The following ESPNL variants were observed in gnomAD, a reference collection of about 807,000 sequenced individuals.
ESPNL encodes espin-like protein.
A neutral mutation model predicts 46.8 loss-of-function variants in ESPNL; 49 were observed. The observed-to-expected ratio is 1.05, with a 90% CI of 0.83 to 1.33. The LOEUF (loss-of-function observed/expected upper bound fraction) is 1.33, where lower values mean the gene tolerates loss of function less well. Ranked by LOEUF, ESPNL falls within the 40% of genes most tolerant of loss-of-function variation. The pLI is 0.00. For synonymous variants in ESPNL, 664 were observed against 662.1 expected (o/e 1.00, Z -0.04); for missense variants, 1,540 against 1,436.6 (o/e 1.07, Z -1.16).
intron 4 of ESPNL, among the ~76,000 whole-genome samples, chr2:238,116,105 C>T (rs550098037): frequency 1.3e-5 from 2 of 152,214 alleles, no homozygotes; most frequent in Non-Finnish European, 2.9e-5. Context: ...AACTCGAGTT[C>T]GTTTTTGTGT....
At chr2:238,124,690 A>AGT (rs1350262642) in intron 5 of ESPNL, among the ~76,000 whole-genome samples, 23 of 94,376 alleles carry the variant, frequency 2.4e-4, no homozygotes, top group African/African-American at 1.0e-3. Flanking sequence ...TGTGCAGGAG[A>AGT]GTACGTGCAT....
chr2:238,130,860 A>G lies in ESPNL; in HGVS notation c.2146A>G (p.Ile716Val). The part of the protein sequence containing the change: ...GDTEEASDSG[I>V]SCEEVPSEAG... ...CACAGAGGAGGCCAGCGACTCTGGCATCAGCTGCGAGGAGGTGCCATCAGA... is the reference window on the plus strand; with the variant it reads ...CACAGAGGAGGCCAGCGACTCTGGCGTCAGCTGCGAGGAGGTGCCATCAGA... The change falls in exon 9 of 9, where the codon ATC (isoleucine) becomes GTC (valine). Residue 716 changes from isoleucine to valine, a missense_variant. Physicochemically the swap from Ile to Val is conservative, Grantham distance 29. Coordinates refer to ENST00000343063, the MANE Select transcript of ESPNL (RefSeq NM_194312.4). The G allele has an allele frequency of 6.4e-7, 1 of 1,554,888 alleles. No individual in the cohort carries two copies. Among genetic ancestry groups the G allele is most frequent in the Non-Finnish European group, 8.7e-7 (1 of 1,150,842 alleles).
Position 238,107,866 on chromosome 2 carries a change from G to T in ESPNL, c.748G>T (p.Gly250Cys), listed in dbSNP as rs146144182. ...ATALHFAARGGHTPILDRLLL... is the reference protein window; with the variant it reads ...ATALHFAARGCHTPILDRLLL... ...GGCCCTGCACTTTGCAGCCCGAGGCGGCCACACGCCCATTCTAGACCGACT... is the reference window on the plus strand; with the variant it reads ...GGCCCTGCACTTTGCAGCCCGAGGCTGCCACACGCCCATTCTAGACCGACT... The change falls in exon 4 of 9, where the codon GGC becomes TGC. Residue 250 changes from glycine to cysteine, a missense_variant. Physicochemically the swap from Gly to Cys is radical, Grantham distance 159. Coordinates refer to ENST00000343063, the MANE Select transcript of ESPNL (RefSeq NM_194312.4). 1 of 1,611,410 alleles carries T rather than the reference G, an allele frequency of 6.2e-7. No individual in the cohort carries two copies. Among genetic ancestry groups the T allele is most frequent in the Non-Finnish European group, 8.5e-7 (1 of 1,179,264 alleles).
At chr2:238,115,362 G>A (rs150862391) in intron 4 of ESPNL, among the ~76,000 whole-genome samples, 1 of 152,320 alleles carries the variant, frequency 6.6e-6, no homozygotes, top group East Asian at 1.9e-4. Flanking sequence ...GTCGGTAGGG[G>A]CCGGGGCAAG....
intron 3 of ESPNL, among the ~76,000 whole-genome samples, chr2:238,106,127 C>T (rs1283895972): frequency 6.6e-6 from 1 of 152,226 alleles, no homozygotes; most frequent in Non-Finnish European, 1.5e-5. Flanking sequence ...TGGTGGTTTC[C>T]ACCAGCCGGC....
At chr2:238,101,654 G>T (rs561614142) in intron 1 of ESPNL, among the ~76,000 whole-genome samples, 3 of 152,204 alleles carry the variant, frequency 2.0e-5, no homozygotes, top group Non-Finnish European at 4.4e-5. Flanking sequence ...ACCCGACTGC[G>T]TGGGAAAGGG....
rs1692377581 is a variant in ESPNL at position 238,133,029 on chromosome 2, A to C, written c.*1297A>C. 1 of 152,300 alleles carries C rather than the reference A, an allele frequency of 6.6e-6. No individual in the cohort carries two copies. The highest frequency in any genetic ancestry group is 1.5e-5 in the Non-Finnish European group (1 of 68,094). The allele number at this position is 152,300 out of a possible 1,614,324, so 9.4% of individuals were successfully genotyped here. A position where few individuals can be genotyped will look rare whatever the true frequency, so the allele number is the denominator to read the frequency against. On this transcript the variant is annotated 3_prime_UTR_variant, in exon 9 of 9. Transcript: ENST00000343063. ...CAGCGGGCAAGCTGTTGGATGGAAC[A>C]GAGAGACCCTCGCAGCTGACTAGGG...
At chr2:238,121,080 C>T (rs992271096) in intron 5 of ESPNL, among the ~76,000 whole-genome samples, 2 of 152,174 alleles carry the variant, frequency 1.3e-5, no homozygotes, top group African/African-American at 2.4e-5. Context: ...AGCTCGGGCT[C>T]TGCTCAGGGT....
Position 238,100,441 on chromosome 2 carries a change from G to T in ESPNL, c.22G>T (p.Val8Leu). The change falls in exon 1 of 9, where the codon GTG becomes TTG. Residue 8 changes from valine (V) to leucine (L), a missense_variant. Val to Leu is a conservative substitution (Grantham distance 32). Transcript: ENST00000343063. MEKQRAL[V>L]AAKDGDVATL... ...GAGGATGGAGAAGCAGCGGGCACTC[G>T]TGGCCGCCAAGGATGGGGATGTGGC... The T allele has an allele frequency of 6.2e-7, 1 of 1,603,122 alleles. No individual in the cohort carries two copies. The highest frequency in any genetic ancestry group is 8.5e-7 in the Non-Finnish European group (1 of 1,177,266).
chr2:238,129,329 G>A, intron 8 of ESPNL: 1 of 916,590 alleles, frequency 1.1e-6, no homozygotes, highest in Non-Finnish European at 1.3e-6. Context: ...CCCCCTCTGG[G>A]GACGTGGCCT....
chr2:238,104,462 G>C (rs1691549671), intron 2 of ESPNL, among the ~76,000 whole-genome samples, 194 bp from the exon 3 acceptor site: 1 of 152,370 alleles, frequency 6.6e-6, no homozygotes, highest in African/African-American at 2.4e-5. Flanking sequence ...AAAAGGACAG[G>C]ATAGGAGAGT....
intron 5 of ESPNL, among the ~76,000 whole-genome samples, chr2:238,121,395 A>G (rs142580678): frequency 6.6e-6 from 1 of 152,294 alleles, no homozygotes; most frequent in Non-Finnish European, 1.5e-5. Flanking sequence ...GCAAGTTCTG[A>G]GCATCTCTAA....
At chr2:238,104,018 C>T (rs1230987518) in intron 2 of ESPNL, among the ~76,000 whole-genome samples, 1 of 152,158 alleles carries the variant, frequency 6.6e-6, no homozygotes, top group Non-Finnish European at 1.5e-5. Flanking sequence ...CTGGGGTGGA[C>T]ACTGAGTTGC....
intron 4 of ESPNL, among the ~76,000 whole-genome samples, chr2:238,108,234 T>C (rs1011733552): frequency 3.3e-5 from 5 of 152,222 alleles, no homozygotes; most frequent in Admixed American, 3.3e-4. Context: ...GGTCAGGGCT[T>C]GGTCTTGGTG....
chr2:238,115,580 C>A (rs957096172), intron 4 of ESPNL, among the ~76,000 whole-genome samples: 1 of 152,256 alleles, frequency 6.6e-6, no homozygotes. Context: ...CACATGCATG[C>A]TGAACCTGTA....
At chr2:238,117,837 C>A (rs1439232858) in intron 5 of ESPNL, among the ~76,000 whole-genome samples, 1 of 151,218 alleles carries the variant, frequency 6.6e-6, no homozygotes, top group African/African-American at 2.4e-5. Context: ...GGCAGGGAGG[C>A]CAAAGGAGTG....
chr2:238,121,091 G>A (rs929717652), intron 5 of ESPNL, among the ~76,000 whole-genome samples: 2 of 152,176 alleles, frequency 1.3e-5, no homozygotes, highest in Non-Finnish European at 2.9e-5. Flanking sequence ...TGCTCAGGGT[G>A]CTAGGGAAGG....
chr2:238,127,436 A>C, intron 6 of ESPNL, 186 bp from the exon 7 acceptor site: 11 of 1,309,914 alleles, frequency 8.4e-6, no homozygotes, highest in Non-Finnish European at 8.7e-6. Flanking sequence ...GGCGGGCCCC[A>C]CTGACTCCCC....
chr2:238,124,672 TGTG>T (rs1187363256), intron 5 of ESPNL, among the ~76,000 whole-genome samples: 21 of 133,566 alleles, frequency 1.6e-4, no homozygotes, highest in African/African-American at 6.0e-4. Context: ...AGAGTGTACA[TGTG>T]TGTGTGTGCA....
Sources: gnomAD v4.1 joint callset for allele counts (sites outside exome capture counted in the v4.1 genomes callset) on GRCh38, gnomAD v4.1.1 for gene constraint, MANE v1.5 for transcripts, NCBI Gene and HGNC (gene_info 2026-07-23, HGNC 2026-07-21) for gene names.